SRPK2: variants seen among roughly 807,000 people sequenced by gnomAD.
SRPK2 encodes SFRS protein kinase 2.
SRPK2 carries 21 observed loss-of-function variants against 90.8 expected under a neutral mutation model. The ratio of observed to expected loss-of-function variants is 0.23; its 90% CI spans 0.16 to 0.33. The LOEUF is 0.33. Among genes scored for constraint, SRPK2 ranks in the 10% least tolerant of loss-of-function variants. The pLI, the probability that SRPK2 is intolerant of heterozygous loss-of-function variation, is 1.00. For synonymous variants in SRPK2, 288 were observed against 311.1 expected (o/e 0.93, Z 0.78); for missense variants, 620 against 869.0 (o/e 0.71, Z 3.60).
intron 2 of SRPK2, among the ~76,000 whole-genome samples, chr7:105,313,828 CCTTTT>C (rs1382915132): frequency 1.3e-5 from 2 of 151,976 alleles, no homozygotes; most frequent in African/African-American, 2.4e-5. Flanking sequence ...ATCTTGAACT[CCTTTT>C]CTTATTTAAA....
chr7:105,310,148 G>A (rs533789645), intron 2 of SRPK2, among the ~76,000 whole-genome samples: 4 of 152,300 alleles, frequency 2.6e-5, no homozygotes, highest in Middle Eastern at 3.4e-3. Flanking sequence ...GTAAGGCTAG[G>A]GAGATGAGCC....
At chr7:105,228,543 G>C (rs1239449110) in intron 2 of SRPK2, among the ~76,000 whole-genome samples, 1 of 152,140 alleles carries the variant, frequency 6.6e-6, no homozygotes, top group Non-Finnish European at 1.5e-5. Flanking sequence ...TTTTGGAGAC[G>C]GGCGCAGTGG....
chr7:105,222,380 C>G (rs1798203962), intron 2 of SRPK2, among the ~76,000 whole-genome samples: 1 of 152,186 alleles, frequency 6.6e-6, no homozygotes, highest in Admixed American at 6.5e-5. Context: ...TTAATATTAA[C>G]AAGTAACATT....
At chr7:105,194,513 CCACGTGGTTGGTG>C (rs1794681993) in intron 3 of SRPK2, among the ~76,000 whole-genome samples, 1 of 152,104 alleles carries the variant, frequency 6.6e-6, no homozygotes, top group African/African-American at 2.4e-5. Context: ...TAGTTACAGG[CCACGTGGTTGGTG>C]CATAAGAATC....
intron 2 of SRPK2, among the ~76,000 whole-genome samples, chr7:105,286,202 C>A (rs925305405): frequency 5.9e-5 from 9 of 152,142 alleles, no homozygotes; most frequent in African/African-American, 1.7e-4. Flanking sequence ...CAAATGTCCT[C>A]AAATTTTTCA....
At chr7:105,201,342 A>C (rs984077336) in intron 3 of SRPK2, among the ~76,000 whole-genome samples, 1 of 152,232 alleles carries the variant, frequency 6.6e-6, no homozygotes, top group Middle Eastern at 3.4e-3. Context: ...ATCTCTAATG[A>C]CCTTACTGAT....
At chr7:105,170,843 GAAAGAAAGAAAGAAAGA>G (rs1790802943) in intron 3 of SRPK2, among the ~76,000 whole-genome samples, 1 of 10,016 alleles carries the variant, frequency 1.0e-4, no homozygotes, top group African/African-American at 2.8e-4. Flanking sequence ...AAGGAAGAAA[GAAAGAAAGAAAGAAAGA>G]AAGAAAGAAA....
chr7:105,303,780 G>A (rs990907997), intron 2 of SRPK2, among the ~76,000 whole-genome samples: 23 of 151,914 alleles, frequency 1.5e-4, no homozygotes, highest in African/African-American at 5.6e-4. Context: ...AACTCAATTC[G>A]TACAGTTTAA....
upstream of SRPK2, chr7:105,388,931 C>A: frequency 8.4e-7 from 1 of 1,194,424 alleles, no homozygotes; most frequent in Non-Finnish European, 1.0e-6. Flanking sequence ...TGCGCCGCCG[C>A]CGCCGCCGCC....
intron 2 of SRPK2, among the ~76,000 whole-genome samples, chr7:105,339,803 G>A (rs1219887290): frequency 6.6e-6 from 1 of 152,196 alleles, no homozygotes; most frequent in Non-Finnish European, 1.5e-5. Flanking sequence ...GCTCACGCCT[G>A]TAATCCTAGC....
At chr7:105,215,386 T>C (rs1355574383) in intron 2 of SRPK2, among the ~76,000 whole-genome samples, 5 of 152,274 alleles carry the variant, frequency 3.3e-5, no homozygotes, top group Non-Finnish European at 7.4e-5. Context: ...CCCACAAGTA[T>C]TGATGATGAA....
chr7:105,228,555 T>C (rs1299922652), intron 2 of SRPK2, among the ~76,000 whole-genome samples: 1 of 152,208 alleles, frequency 6.6e-6, no homozygotes, highest in Non-Finnish European at 1.5e-5. Flanking sequence ...GCGCAGTGGC[T>C]CACGCCTGCA....
intron 2 of SRPK2, among the ~76,000 whole-genome samples, chr7:105,233,091 A>AAGGAAGGAAG (rs1799676826): frequency 6.5e-5 from 6 of 91,902 alleles, no homozygotes; most frequent in African/African-American, 1.7e-4. Flanking sequence ...AAGGAAGGAA[A>AAGGAAGGAAG]GAAGGAAGGA....
intron 2 of SRPK2, among the ~76,000 whole-genome samples, chr7:105,255,784 T>C (rs1326970656): frequency 3.9e-5 from 6 of 151,944 alleles, no homozygotes; most frequent in Admixed American, 3.9e-4. Context: ...ATACAAAAAT[T>C]AGCTGGACGT....
intron 2 of SRPK2, among the ~76,000 whole-genome samples, chr7:105,326,611 C>G (rs183565110): frequency 7.2e-5 from 11 of 152,294 alleles, no homozygotes; most frequent in African/African-American, 2.6e-4. Flanking sequence ...TAAATCCTAA[C>G]ATCCTTTCAA....
chr7:105,135,494 C>G (rs1802666981), intron 11 of SRPK2, among the ~76,000 whole-genome samples: 1 of 152,206 alleles, frequency 6.6e-6, no homozygotes, highest in Non-Finnish European at 1.5e-5. Context: ...ACAAACAACT[C>G]AAATCATAGG....
At chr7:105,337,349 C>G (rs758233748) in intron 2 of SRPK2, among the ~76,000 whole-genome samples, 9 of 149,954 alleles carry the variant, frequency 6.0e-5, no homozygotes, top group Non-Finnish European at 8.9e-5. Flanking sequence ...GAGTCTTGCT[C>G]TGTTGCCCAG....
At chr7:105,197,935 C>A (rs1795118876) in intron 3 of SRPK2, among the ~76,000 whole-genome samples, 3 of 152,170 alleles carry the variant, frequency 2.0e-5, no homozygotes, top group South Asian at 4.1e-4. Context: ...TACAGGCAGC[C>A]TGATATTGCA....
chr7:105,299,212 G>A (rs1434566223), intron 2 of SRPK2, among the ~76,000 whole-genome samples: 3 of 152,206 alleles, frequency 2.0e-5, no homozygotes, highest in African/African-American at 7.2e-5. Flanking sequence ...CCAATCTGAA[G>A]ACTGGGAAGT....
Sources: gnomAD v4.1 joint callset for allele counts (sites outside exome capture counted in the v4.1 genomes callset) on GRCh38, gnomAD v4.1.1 for gene constraint, MANE v1.5 for transcripts, NCBI Gene and HGNC (gene_info 2026-07-23, HGNC 2026-07-21) for gene names.